The following CYFIP1 variants were observed in gnomAD, a reference collection of about 807,000 sequenced individuals.
The protein encoded by CYFIP1 is cytoplasmic FMR1 interacting protein 1, also known as cytoplasmic FMR1-interacting protein 1.
Under a neutral mutation model 163.5 loss-of-function variants are expected in CYFIP1, and 58 were observed. That is an observed-to-expected ratio of 0.35 (90% confidence interval 0.29 to 0.44). The LOEUF (loss-of-function observed/expected upper bound fraction) is 0.44. Among genes scored for constraint, CYFIP1 ranks in the 20% least tolerant of loss-of-function variants. The pLI is 1.00. For synonymous variants in CYFIP1, 663 were observed against 660.7 expected (o/e 1.00, Z -0.05); for missense variants, 1,338 against 1,653.8 (o/e 0.81, Z 3.31).
chr15:22,931,252 C>T (rs927446954), intron 11 of CYFIP1, among the ~76,000 whole-genome samples: 6 of 152,190 alleles, frequency 3.9e-5, no homozygotes, highest in East Asian at 1.9e-4. Flanking sequence ...ACCCGCAGTC[C>T]CTGCCAGCAA....
At chr15:22,920,343 C>G (rs2061133479) in intron 13 of CYFIP1, among the ~76,000 whole-genome samples, 1 of 151,842 alleles carries the variant, frequency 6.6e-6, no homozygotes, top group South Asian at 2.1e-4. Context: ...CATCTTCCTA[C>G]TTTTATTAAA....
intron 26 of CYFIP1, 194 bp from the exon 27 acceptor site, chr15:22,875,465 G>A: frequency 1.6e-6 from 1 of 610,612 alleles, no homozygotes; most frequent in Non-Finnish European, 2.9e-6. Flanking sequence ...CGCCAGCCAT[G>A]CATGCCTAGT....
intron 1 of CYFIP1, among the ~76,000 whole-genome samples, chr15:22,948,430 G>A (rs2062133764): frequency 6.6e-6 from 1 of 152,176 alleles, no homozygotes; most frequent in South Asian, 2.1e-4. Context: ...CTGAAGGCAA[G>A]TCAGAACCAC....
intron 1 of CYFIP1, among the ~76,000 whole-genome samples, chr15:22,965,515 G>T (rs1233152266): frequency 6.6e-6 from 1 of 152,186 alleles, no homozygotes; most frequent in Admixed American, 6.5e-5. Flanking sequence ...TGTGGCCTGG[G>T]AGCAACAGGC....
At chr15:22,948,801 T>A (rs2062145251) in intron 1 of CYFIP1, among the ~76,000 whole-genome samples, 2 of 90,192 alleles carry the variant, frequency 2.2e-5, no homozygotes, top group African/African-American at 5.4e-5. Context: ...GACACACTAC[T>A]GAAATGTAAA....
intron 17 of CYFIP1, 43 bp downstream of exon 17, chr15:22,914,683 T>C: frequency 1.3e-6 from 2 of 1,564,086 alleles, no homozygotes; most frequent in Non-Finnish European, 1.7e-6. Context: ...GGACCCCCGG[T>C]CACCACACAC....
chr15:22,897,969 A>C (rs1165434607), intron 22 of CYFIP1, among the ~76,000 whole-genome samples: 3 of 152,104 alleles, frequency 2.0e-5, no homozygotes. Context: ...CTCATATGCC[A>C]CCCTGCAAAT....
chr15:22,872,743 G>T, intron 30 of CYFIP1, 82 bp downstream of exon 30: 3 of 1,439,704 alleles, frequency 2.1e-6, no homozygotes, highest in South Asian at 1.3e-5. Flanking sequence ...GAAAAACATT[G>T]CCAGAAACAA....
intron 6 of CYFIP1, 55 bp from the exon 7 acceptor site, chr15:22,939,562 A>T: frequency 1.0e-6 from 1 of 997,428 alleles, no homozygotes; most frequent in Non-Finnish European, 1.4e-6. Context: ...ACATTTAAAA[A>T]AAAAAAAAAA....
rs759738036 is a variant in CYFIP1, at chr15:22,939,491, G to A, written c.586C>T (p.Arg196Cys). The A allele has an allele frequency of 5.4e-6, 8 of 1,486,898 alleles. No homozygotes were observed. Among genetic ancestry groups the A allele is most frequent in the African/African-American group, 3.1e-5 (2 of 64,486 alleles). The allele number at this position is 1,486,898 out of a possible 1,614,324, so 92.1% of individuals were successfully genotyped here. ...SAYKRAAQFL[R>C]KMADPQSIQE... The stretch of plus-strand genomic sequence containing the variant: ...ATGGACTGTGGATCTGCCATTTTAC[G>A]TAAAAACTGAGCGGCCCTTTGAAAA... Residue 196 changes from arginine to cysteine, a missense_variant, in exon 7 of 31, where the codon CGT becomes TGT. Physicochemically the swap from Arg to Cys is radical, Grantham distance 180 (BLOSUM62 -3). Transcript: ENST00000617928.
chr15:22,884,434 T>C (rs2059874179), intron 23 of CYFIP1, among the ~76,000 whole-genome samples: 1 of 152,228 alleles, frequency 6.6e-6, no homozygotes, highest in South Asian at 2.1e-4. Context: ...GGGGCAGTCA[T>C]TAAATCTTAA....
intron 21 of CYFIP1, among the ~76,000 whole-genome samples, chr15:22,907,322 G>C (rs2060618200): frequency 6.6e-6 from 1 of 152,164 alleles, no homozygotes. Context: ...TACTCAAATT[G>C]CCTGACTCAC....
At chr15:22,878,448 C>T (rs2059647095) in intron 26 of CYFIP1, among the ~76,000 whole-genome samples, 1 of 151,948 alleles carries the variant, frequency 6.6e-6, no homozygotes, top group South Asian at 2.1e-4. Flanking sequence ...GAGGAGGAGC[C>T]CTTCAGCCAC....
intron 1 of CYFIP1, among the ~76,000 whole-genome samples, chr15:22,973,050 C>A (rs1232651586): frequency 3.3e-5 from 5 of 152,052 alleles, no homozygotes; most frequent in African/African-American, 1.2e-4. Context: ...ACAGGAGAAT[C>A]GTTTGAACCT....
chr15:22,894,877 A>AT (rs1183343566), intron 22 of CYFIP1, among the ~76,000 whole-genome samples: 14,941 of 138,240 alleles, frequency 0.11, 1,270 homozygotes, highest in East Asian at 0.39. Flanking sequence ...ATATATATAT[A>AT]TTTTTTTTTT....
At chr15:22,970,152 T>A (rs544000676) in intron 1 of CYFIP1, among the ~76,000 whole-genome samples, 6 of 152,244 alleles carry the variant, frequency 3.9e-5, no homozygotes, top group African/African-American at 1.4e-4. Flanking sequence ...ATCCAAAAGA[T>A]GAAGAATGTA....
intron 17 of CYFIP1, 108 bp downstream of exon 17, chr15:22,914,618 T>C: frequency 8.1e-7 from 1 of 1,237,664 alleles, no homozygotes. Context: ...GCCCAGAAAC[T>C]TGATTTCAAA....
chr15:22,916,651 T>C, intron 15 of CYFIP1, 21 bp from the exon 16 acceptor site: 1 of 1,614,032 alleles, frequency 6.2e-7, no homozygotes, highest in Non-Finnish European at 8.5e-7. Context: ...CAAGGAAACA[T>C]TTGTGGGGGA....
chr15:22,908,877 C>T (rs572103561), intron 21 of CYFIP1, among the ~76,000 whole-genome samples: 66 of 152,246 alleles, frequency 4.3e-4, no homozygotes, highest in Non-Finnish European at 7.6e-4. Context: ...AATGTAAACA[C>T]GTTATTAAGT....
Sources: gnomAD v4.1 joint callset for allele counts (sites outside exome capture counted in the v4.1 genomes callset) on GRCh38, gnomAD v4.1.1 for gene constraint, MANE v1.5 for transcripts, NCBI Gene and HGNC (gene_info 2026-07-23, HGNC 2026-07-21) for gene names.